Variants in CPAP observed in about 807,000 individuals in gnomAD.
The protein encoded by CPAP is centrosome assembly and centriole elongation protein, also known as centrosomal P4.1-associated protein.
the CPAP span, chr13:24,905,541 T>C: frequency 6.2e-7 from 1 of 1,614,236 alleles, no homozygotes; most frequent in Non-Finnish European, 8.5e-7. Flanking sequence ...TTGTCCAGGA[T>C]ACCTATTTCA....
At chr13:24,905,681 A>G in the CPAP span, 1 of 1,614,232 alleles carries the variant, frequency 6.2e-7, no homozygotes. Flanking sequence ...ACTCAGACTT[A>G]GGGATGAGGA....
chr13:24,892,904 C>T, the CPAP span: 6 of 1,368,636 alleles, frequency 4.4e-6, no homozygotes, highest in Non-Finnish European at 6.2e-6. Context: ...AAAACCATTA[C>T]TACATTACCA....
the CPAP span, among the ~76,000 whole-genome samples, chr13:24,921,443 G>C: frequency 2.0e-5 from 3 of 152,182 alleles, no homozygotes; most frequent in Non-Finnish European, 4.4e-5. Context: ...TTAAACTTAA[G>C]AGATTCATCT....
the CPAP span, chr13:24,884,128 A>ATAAT: frequency 1.9e-6 from 3 of 1,588,324 alleles, no homozygotes; most frequent in Admixed American, 1.8e-5. Flanking sequence ...AAGGAAGGGA[A>ATAAT]GAATTTAATG....
the CPAP span, among the ~76,000 whole-genome samples, chr13:24,893,378 G>A: frequency 6.6e-6 from 1 of 152,262 alleles, no homozygotes; most frequent in African/African-American, 2.4e-5. Context: ...TGCTGGAAAT[G>A]TCTAGAAGCA....
At chr13:24,904,313 A>G in the CPAP span, among the ~76,000 whole-genome samples, 1 of 152,238 alleles carries the variant, frequency 6.6e-6, no homozygotes, top group Admixed American at 6.5e-5. Flanking sequence ...TGATACATAA[A>G]AAGAAATCAT....
At chr13:24,923,308 T>C in the CPAP span, among the ~76,000 whole-genome samples, 2 of 152,056 alleles carry the variant, frequency 1.3e-5, no homozygotes, top group Non-Finnish European at 2.9e-5. Flanking sequence ...TTGGTTTTTT[T>C]CTTTGTTTTC....
chr13:24,905,639 G>A, the CPAP span: 1 of 1,614,212 alleles, frequency 6.2e-7, no homozygotes, highest in Non-Finnish European at 8.5e-7. Flanking sequence ...TTCAAGGTCA[G>A]TCCAAGTTCT....
the CPAP span, among the ~76,000 whole-genome samples, chr13:24,933,999 TAC>T: frequency 6.6e-6 from 1 of 152,182 alleles, no homozygotes; most frequent in Non-Finnish European, 1.5e-5. Context: ...GGGCCGGGAA[TAC>T]AGGCATGAAC....
the CPAP span, among the ~76,000 whole-genome samples, chr13:24,890,762 G>C: frequency 6.6e-6 from 1 of 152,092 alleles, no homozygotes; most frequent in East Asian, 1.9e-4. Flanking sequence ...CCTCACAGGA[G>C]CCTGGGCTAT....
At chr13:24,897,690 AC>A in the CPAP span, among the ~76,000 whole-genome samples, 10 of 152,342 alleles carry the variant, frequency 6.6e-5, no homozygotes, top group Admixed American at 1.3e-4. Flanking sequence ...GTTTAAAAAA[AC>A]ATCATGAATG....
At chr13:24,933,102 T>C in the CPAP span, 24,802 of 1,583,626 alleles carry the variant, frequency 0.016, 269 homozygotes, top group Non-Finnish European at 0.019. Flanking sequence ...TTAAGGAAAA[T>C]GGCGGAAAGT....
chr13:24,915,056 C>T, the CPAP span, among the ~76,000 whole-genome samples: 1 of 152,038 alleles, frequency 6.6e-6, no homozygotes, highest in Non-Finnish European at 1.5e-5. Flanking sequence ...GCCTAGGCAA[C>T]TGAGTGAGAC....
the CPAP span, chr13:24,907,146 T>G: frequency 1.2e-6 from 2 of 1,613,972 alleles, no homozygotes; most frequent in Non-Finnish European, 1.7e-6. Flanking sequence ...TTCTTCTAAG[T>G]AATCTTCAAA....
chr13:24,884,744 G>A, the CPAP span, among the ~76,000 whole-genome samples: 1 of 152,102 alleles, frequency 6.6e-6, no homozygotes, highest in South Asian at 2.1e-4. Context: ...CTACTGCTTT[G>A]CCTGTTGTTC....
chr13:24,883,871 A>G, the CPAP span: 1 of 1,445,758 alleles, frequency 6.9e-7, no homozygotes, highest in Non-Finnish European at 9.7e-7. Flanking sequence ...GGTGTCACAT[A>G]TCATCAGAAA....
the CPAP span, among the ~76,000 whole-genome samples, chr13:24,901,254 C>A: frequency 6.6e-6 from 1 of 152,148 alleles, no homozygotes; most frequent in Admixed American, 6.5e-5. Context: ...AGTTAAATAT[C>A]CTGATAAATG....
At chr13:24,885,596 A>G in the CPAP span, 8 of 1,590,356 alleles carry the variant, frequency 5.0e-6, no homozygotes, top group Non-Finnish European at 6.9e-6. Flanking sequence ...ATATAAAAAC[A>G]GAGATTTACT....
At chr13:24,885,793 G>GTCTT in the CPAP span, 1 of 729,352 alleles carries the variant, frequency 1.4e-6, no homozygotes, top group African/African-American at 1.8e-5. Flanking sequence ...AGTTAAGGAT[G>GTCTT]TCTTAATATT....
Sources: gnomAD v4.1 joint callset for allele counts (sites outside exome capture counted in the v4.1 genomes callset) on GRCh38, gnomAD v4.1.1 for gene constraint, MANE v1.5 for transcripts, NCBI Gene and HGNC (gene_info 2026-07-23, HGNC 2026-07-21) for gene names.